MS4A8: variants seen among roughly 807,000 people sequenced by gnomAD.
The protein encoded by MS4A8 is membrane spanning 4-domains A8, also known as membrane-spanning 4-domains subfamily A member 8.
MS4A8 carries 27 observed loss-of-function variants against 23.7 expected under a neutral mutation model. That is an observed-to-expected ratio of 1.14 (90% CI 0.84 to 1.57). The LOEUF (loss-of-function observed/expected upper bound fraction) is 1.57, where lower values mean the gene tolerates loss of function less well. MS4A8 is among the 40% of genes most tolerant of loss of function. MS4A8 has a pLI of 0.00. For synonymous variants in MS4A8, 138 were observed against 126.3 expected (o/e 1.09, Z -0.62); for missense variants, 301 against 311.4 (o/e 0.97, Z 0.25).
At chr11:60,711,357 G>A (rs2088298933) in intron 5 of MS4A8, among the ~76,000 whole-genome samples, 1 of 152,160 alleles carries the variant, frequency 6.6e-6, no homozygotes, top group Admixed American at 6.5e-5. Context: ...AAGATTCTTA[G>A]GCAAAGCCTC....
intron 3 of MS4A8, among the ~76,000 whole-genome samples, chr11:60,704,304 A>G (rs929783088): frequency 1.3e-5 from 2 of 151,648 alleles, no homozygotes; most frequent in East Asian, 3.9e-4. Context: ...TATTTTTAGT[A>G]GTGACAAGAT....
intron 3 of MS4A8, among the ~76,000 whole-genome samples, chr11:60,704,894 ACT>A (rs1163961203): frequency 2.6e-4 from 38 of 144,184 alleles, no homozygotes; most frequent in African/African-American, 7.1e-4. Flanking sequence ...ACACACACAC[ACT>A]CTCTCTCTCT....
chr11:60,701,101 A>C, intron 2 of MS4A8, 22 bp downstream of exon 2: 1 of 1,605,254 alleles, frequency 6.2e-7, no homozygotes, highest in Non-Finnish European at 8.5e-7. Flanking sequence ...TTCCCTTTGC[A>C]GGCCACAGAC....
intron 5 of MS4A8, among the ~76,000 whole-genome samples, chr11:60,713,572 T>C (rs1464431342): frequency 6.6e-6 from 1 of 152,152 alleles, no homozygotes; most frequent in Non-Finnish European, 1.5e-5. Flanking sequence ...TTTTCCCCTA[T>C]CTCAGTAAAT....
Position 60,715,807 on chromosome 11 carries a change from T to G in MS4A8, c.*393T>G, listed in dbSNP as rs2088339266. 3 of 248,712 alleles carry G rather than the reference T, an allele frequency of 1.2e-5. No individual in the cohort carries two copies. The South Asian group carries it at 1.6e-4, about 13-fold the overall frequency. The allele number at this position is 248,712 out of a possible 1,614,324, so 15.4% of individuals were successfully genotyped here. A position where few individuals can be genotyped will look rare whatever the true frequency, so the allele number is the denominator to read the frequency against. On this transcript the variant is annotated 3_prime_UTR_variant, in exon 7 of 7. Coordinates refer to ENST00000300226, the MANE Select transcript of MS4A8 (RefSeq NM_031457.2). ...TCATTTAATAAATAGATACTGAGCA[T>G]TCAATGTGTTCAAGGCTCTCTTCAT...
chr11:60,709,784 G>A (rs190940168), intron 5 of MS4A8, among the ~76,000 whole-genome samples: 5 of 152,226 alleles, frequency 3.3e-5, no homozygotes, highest in Admixed American at 3.3e-4. Context: ...CCCCTTTGCT[G>A]GGGCTTTTGC....
chr11:60,714,373 T>C (rs912108103), intron 5 of MS4A8, among the ~76,000 whole-genome samples: 1 of 152,176 alleles, frequency 6.6e-6, no homozygotes, highest in Non-Finnish European at 1.5e-5. Flanking sequence ...TAACAGCAGC[T>C]CGAGGCAGAA....
In MS4A8 at chr11:60,703,383, C is replaced by G; in HGVS notation, c.225C>G (p.Ile75Met). ...GCTTGTGGCTCTCCTGACAGGCCATCCAGATCATCATTGGCCTGGCTCACA... is the reference window on the plus strand; with the variant it reads ...GCTTGTGGCTCTCCTGACAGGCCATGCAGATCATCATTGGCCTGGCTCACA... ...ALKEGKTLGA[I>M]QIIIGLAHIG... The change falls in exon 3 of 7, where the codon ATC becomes ATG. Residue 75 changes from isoleucine to methionine, a missense_variant. Coordinates refer to ENST00000300226, the MANE Select transcript of MS4A8 (RefSeq NM_031457.2). The G allele has an allele frequency of 6.4e-7, 1 of 1,572,730 alleles. No individual in the cohort carries two copies. Among genetic ancestry groups the G allele is most frequent in the South Asian group, 1.2e-5 (1 of 85,140 alleles).
In MS4A8 at chr11:60,701,088, G is replaced by A; in HGVS notation, c.219+9G>A. The A allele has an allele frequency of 6.2e-7, 1 of 1,613,042 alleles. No individual in the cohort carries two copies. The highest frequency in any genetic ancestry group is 1.1e-5 in the South Asian group (1 of 90,994). On this transcript the variant is annotated intron_variant, in intron 2 of 6. Transcript: ENST00000300226. The stretch of plus-strand genomic sequence containing the variant: ...AAGGCAAAACCTTGGGGGTAAGTGA[G>A]ATTTCCCTTTGCAGGCCACAGACTG...
intron 3 of MS4A8, among the ~76,000 whole-genome samples, chr11:60,704,763 T>C (rs903044269): frequency 1.3e-5 from 2 of 152,062 alleles, no homozygotes; most frequent in Admixed American, 6.6e-5. Flanking sequence ...ACAGTCCTTC[T>C]TCCACATCAG....
At chr11:60,708,586 G>A in intron 4 of MS4A8, 64 bp from the exon 5 acceptor site, 2 of 1,448,022 alleles carry the variant, frequency 1.4e-6, no homozygotes, top group Middle Eastern at 3.8e-4. Context: ...CACTTGTTGG[G>A]TCTCCATTCA....
rs2088197960 is a variant in MS4A8 at position 60,700,909 on chromosome 11, G to A, written c.49G>A (p.Val17Met). The A allele has an allele frequency of 3.1e-6, 5 of 1,614,040 alleles. No individual in the cohort carries two copies. The highest frequency in any genetic ancestry group is 3.4e-6 in the Non-Finnish European group (4 of 1,180,036). ...AVPVANSVLV[V>M]APHNGYPVTP... Reference sequence around the variant, plus strand: ...TCCGGTGGCCAATTCTGTGTTGGTGGTGGCACCCCACAATGGTTATCCTGT... The same window carrying A: ...TCCGGTGGCCAATTCTGTGTTGGTGATGGCACCCCACAATGGTTATCCTGT... Residue 17 changes from valine to methionine, a missense_variant, in exon 2 of 7, where the codon GTG becomes ATG. Val to Met is a conservative substitution (Grantham distance 21). Coordinates refer to ENST00000300226, the MANE Select transcript of MS4A8 (RefSeq NM_031457.2).
chr11:60,713,457 G>A (rs940632270), intron 5 of MS4A8, among the ~76,000 whole-genome samples: 3 of 152,102 alleles, frequency 2.0e-5, no homozygotes, highest in Admixed American at 6.5e-5. Context: ...CATAAACAAG[G>A]TAAAGAAAAA....
intron 3 of MS4A8, among the ~76,000 whole-genome samples, chr11:60,705,541 A>T (rs1590953216): frequency 6.6e-6 from 1 of 152,348 alleles, no homozygotes; most frequent in East Asian, 1.9e-4. Context: ...ACAAAGGCTC[A>T]TCTCCTCTGG....
chr11:60,703,629 C>A, intron 3 of MS4A8, 129 bp downstream of exon 3: 1 of 1,092,892 alleles, frequency 9.2e-7, no homozygotes, highest in Non-Finnish European at 1.3e-6. Context: ...GGATAGGAAA[C>A]CAGCCAGCCC....
chr11:60,706,251 C>G (rs1186839067), intron 3 of MS4A8, among the ~76,000 whole-genome samples: 1 of 152,196 alleles, frequency 6.6e-6, no homozygotes, highest in Non-Finnish European at 1.5e-5. Context: ...CTCATGCCCT[C>G]TCATACCACT....
In MS4A8 at chr11:60,713,909, C is replaced by CT. The variant is rs1170997070; in HGVS notation, c.535-1086dup. 8.3e-3 allele frequency among the ~76,000 whole-genome samples: 844 copies of CT among 101,910 alleles called. 108 individuals carry two copies. The highest frequency in any genetic ancestry group is 0.015 in the African/African-American group (365 of 24,868). The allele number at this position is 101,910 out of a possible 152,430, so 66.9% of individuals were successfully genotyped here. A position where few individuals can be genotyped will look rare whatever the true frequency, so the allele number is the denominator to read the frequency against. On this transcript the variant is annotated intron_variant, in intron 5 of 6. Coordinates refer to ENST00000300226, the MANE Select transcript of MS4A8 (RefSeq NM_031457.2). ...TTGAGATTAGGGAGTGGTGATGACT[C>CT]TTTTTTTTTTTTTTTTTTTTTTTTT... is the stretch of plus-strand genomic sequence containing the variant.
rs2088198464 is a variant in MS4A8, at chr11:60,700,954, C to T, written c.94C>T (p.His32Tyr). The T allele has an allele frequency of 1.2e-6, 2 of 1,614,224 alleles. No homozygotes were observed. Among genetic ancestry groups the T allele is most frequent in the South Asian group, 2.2e-5 (2 of 91,086 alleles). The change falls in exon 2 of 7, where the codon CAC becomes TAC. Residue 32 changes from histidine (H) to tyrosine (Y), a missense_variant. Physicochemically the swap from His to Tyr is moderately conservative, Grantham distance 83. Transcript: ENST00000300226. ...GYPVTPGIMSHVPLYPNSQPQ... is the reference protein window; with the variant it reads ...GYPVTPGIMSYVPLYPNSQPQ... ...TCCTGTGACCCCAGGAATTATGTCT[C>T]ACGTGCCCCTGTATCCAAACAGCCA... is the stretch of plus-strand genomic sequence containing the variant.
chr11:60,714,642 T>G (rs1347764267), intron 5 of MS4A8, among the ~76,000 whole-genome samples: 1 of 151,804 alleles, frequency 6.6e-6, no homozygotes, highest in Non-Finnish European at 1.5e-5. Context: ...CCTCTAACCA[T>G]CTCCCTGTTC....
Sources: allele counts gnomAD v4.1 joint callset (sites outside exome capture counted in the v4.1 genomes callset), GRCh38; gene constraint gnomAD v4.1.1; transcripts MANE v1.5; gene names NCBI Gene and HGNC (gene_info 2026-07-23, HGNC 2026-07-21).